Variants in CD247 observed in about 807,000 individuals in gnomAD.
CD247 encodes T-cell surface glycoprotein CD3 zeta chain.
Under a neutral mutation model 30.0 loss-of-function variants are expected in CD247, and 13 were observed. The ratio of observed to expected loss-of-function variants is 0.43; its 90% CI spans 0.28 to 0.69. The LOEUF is 0.69. CD247 is among the 30% of genes least tolerant of loss of function. The pLI, the probability that CD247 is intolerant of heterozygous loss-of-function variation, is 0.16. For missense variants in CD247, 193 were observed against 212.6 expected, an observed-to-expected ratio of 0.91 and a Z score of 0.57; for synonymous variants, 72 against 80.0, an observed-to-expected ratio of 0.90 and a Z score of 0.53.
chr1:167,503,002 C>T (rs1436015187), intron 1 of CD247, among the ~76,000 whole-genome samples: 5 of 152,086 alleles, frequency 3.3e-5, no homozygotes, highest in African/African-American at 7.2e-5. Flanking sequence ...GTTAAGGCAG[C>T]CCTAGGAAAT....
At chr1:167,479,132 T>G (rs2995095) in intron 1 of CD247, among the ~76,000 whole-genome samples, 1,715 of 152,326 alleles carry the variant, frequency 0.011, 14 homozygotes, top group Admixed American at 0.016. Flanking sequence ...CTCACATAGC[T>G]AATGGACAGT....
chr1:167,495,162 G>A (rs1654631061), intron 1 of CD247, among the ~76,000 whole-genome samples: 2 of 152,210 alleles, frequency 1.3e-5, no homozygotes, highest in Non-Finnish European at 2.9e-5. Flanking sequence ...GCTTTGGAGT[G>A]AGACAGTCCT....
intron 1 of CD247, among the ~76,000 whole-genome samples, chr1:167,506,208 C>T (rs763259778): frequency 2.4e-4 from 37 of 151,890 alleles, no homozygotes; most frequent in African/African-American, 8.0e-4. Context: ...CCCAGAGAGA[C>T]GCCATCTTTC....
intron 1 of CD247, among the ~76,000 whole-genome samples, chr1:167,453,387 C>G (rs974788400): frequency 6.6e-6 from 1 of 152,152 alleles, no homozygotes; most frequent in African/African-American, 2.4e-5. Context: ...TGTTCTTTCT[C>G]ACGCAGCACA....
At chr1:167,486,810 G>A (rs1373454652) in intron 1 of CD247, among the ~76,000 whole-genome samples, 1 of 152,222 alleles carries the variant, frequency 6.6e-6, no homozygotes, top group African/African-American at 2.4e-5. Context: ...GGTGGCTCGT[G>A]CCTATGTAAT....
At chr1:167,475,781 G>C (rs1653720449) in intron 1 of CD247, among the ~76,000 whole-genome samples, 1 of 152,146 alleles carries the variant, frequency 6.6e-6, no homozygotes, top group African/African-American at 2.4e-5. Context: ...AAATAACCTA[G>C]CTTCGTACAG....
At chr1:167,451,428 T>TA (rs1652348913) in intron 1 of CD247, among the ~76,000 whole-genome samples, 1 of 152,202 alleles carries the variant, frequency 6.6e-6, no homozygotes, top group African/African-American at 2.4e-5. Flanking sequence ...AAATCAGCCC[T>TA]AAAATCCAGG....
At chr1:167,450,051 T>C (rs984548087) in intron 1 of CD247, among the ~76,000 whole-genome samples, 3 of 152,248 alleles carry the variant, frequency 2.0e-5, no homozygotes, top group African/African-American at 7.2e-5. Context: ...AAATATCCTT[T>C]TTAAAGGTTG....
At chr1:167,439,489 G>A in intron 2 of CD247, 89 bp from the exon 3 acceptor site, 1 of 1,113,848 alleles carries the variant, frequency 9.0e-7, no homozygotes, top group Non-Finnish European at 1.4e-6. Context: ...CCGAGGGACA[G>A]CCCTACTCCG....
chr1:167,453,676 T>TA (rs1321657075), intron 1 of CD247, among the ~76,000 whole-genome samples: 5 of 152,248 alleles, frequency 3.3e-5, no homozygotes, highest in South Asian at 4.1e-4. Context: ...AATTAGGTTT[T>TA]AAAAAAGGTG....
chr1:167,505,648 T>C (rs1655084433), intron 1 of CD247, among the ~76,000 whole-genome samples: 2 of 152,134 alleles, frequency 1.3e-5, no homozygotes, highest in African/African-American at 2.4e-5. Flanking sequence ...GGGCAAAAAA[T>C]CTAACAACAA....
intron 1 of CD247, among the ~76,000 whole-genome samples, chr1:167,452,415 A>C (rs1652396672): frequency 6.6e-6 from 1 of 151,596 alleles, no homozygotes; most frequent in African/African-American, 2.4e-5. Flanking sequence ...CTCTATCAAA[A>C]AAAAAAAAAA....
intron 1 of CD247, among the ~76,000 whole-genome samples, chr1:167,505,014 C>A (rs1382975733): frequency 6.6e-6 from 1 of 152,216 alleles, no homozygotes; most frequent in Non-Finnish European, 1.5e-5. Flanking sequence ...CTCACGACAG[C>A]TTTTCTTTAA....
chr1:167,432,836 C>G (rs547481595), intron 7 of CD247, among the ~76,000 whole-genome samples, 188 bp downstream of exon 7: 1 of 152,364 alleles, frequency 6.6e-6, no homozygotes, highest in South Asian at 2.1e-4. Flanking sequence ...CTTGAATGGC[C>G]AAGTCCCAGC....
intron 1 of CD247, among the ~76,000 whole-genome samples, chr1:167,497,552 G>A (rs1262618215): frequency 2.6e-5 from 4 of 152,148 alleles, no homozygotes; most frequent in Non-Finnish European, 5.9e-5. Context: ...TTCAGGGGGA[G>A]CATTAAATAA....
rs569624821 is a variant in CD247, at chr1:167,499,887, G to A, written c.58+18521C>T. On this transcript the variant is annotated intron_variant, in intron 1 of 7. Transcript: ENST00000362089. ...ACAGAGGCCATACCCACACATCCCCGAGGGCTGTGGATTTTGCATACAGTA... is the reference window on the plus strand; with the variant it reads ...ACAGAGGCCATACCCACACATCCCCAAGGGCTGTGGATTTTGCATACAGTA... 1.8e-3 allele frequency among the ~76,000 whole-genome samples: 272 copies of A among 152,228 alleles called. 1 individual carries two copies. Among genetic ancestry groups the A allele is most frequent in the African/African-American group, 6.2e-3 (259 of 41,518 alleles).
chr1:167,481,282 CT>C (rs1653963939), intron 1 of CD247, among the ~76,000 whole-genome samples: 1 of 152,084 alleles, frequency 6.6e-6, no homozygotes, highest in Non-Finnish European at 1.5e-5. Context: ...GAGAGACTCC[CT>C]CTCAAAAACA....
At chr1:167,500,043 C>T (rs1313159495) in intron 1 of CD247, among the ~76,000 whole-genome samples, 1 of 152,238 alleles carries the variant, frequency 6.6e-6, no homozygotes, top group East Asian at 1.9e-4. Context: ...CACATTATCA[C>T]TGCCTATGTA....
intron 1 of CD247, among the ~76,000 whole-genome samples, chr1:167,486,372 A>G (rs995305618): frequency 6.6e-6 from 1 of 152,248 alleles, no homozygotes; most frequent in Non-Finnish European, 1.5e-5. Context: ...AACCTCTCAG[A>G]GCACTGGAGC....
Sources: gnomAD v4.1 joint callset for allele counts (sites outside exome capture counted in the v4.1 genomes callset) on GRCh38, gnomAD v4.1.1 for gene constraint, MANE v1.5 for transcripts, NCBI Gene and HGNC (gene_info 2026-07-23, HGNC 2026-07-21) for gene names.